The following KCNJ15 variants were observed in gnomAD, a reference collection of about 807,000 sequenced individuals.
KCNJ15 encodes potassium inwardly rectifying channel subfamily J member 15.
A neutral mutation model predicts 23.0 loss-of-function variants in KCNJ15; 14 were observed. The ratio of observed to expected loss-of-function variants is 0.61; its 90% CI spans 0.40 to 0.95. The LOEUF is 0.95. KCNJ15 is among the 40% of genes least tolerant of loss of function. The pLI is 0.00. For missense variants in KCNJ15, 388 were observed against 461.8 expected, an observed-to-expected ratio of 0.84 and a Z score of 1.46; for synonymous variants, 185 against 183.2, an observed-to-expected ratio of 1.01 and a Z score of -0.08.
chr21:38,257,840 T>G (rs759537588), intron 1 of KCNJ15, among the ~76,000 whole-genome samples: 17 of 152,244 alleles, frequency 1.1e-4, no homozygotes, highest in Non-Finnish European at 2.4e-4. Flanking sequence ...ATTTCCACAT[T>G]GCTCCTGTAA....
chr21:38,300,318 G>A lies in KCNJ15; in HGVS notation c.1057G>A (p.Glu353Lys). The change falls in exon 3 of 3, where the codon GAG (glutamate) becomes AAG (lysine). Residue 353 changes from glutamate (E) to lysine (K), a missense_variant. Glu to Lys is a moderately conservative substitution (Grantham distance 56). Transcript: ENST00000398938. ...CADSEKQQLE[E>K]KYRQEDQRER... ...AGATTCTGAGAAACAGCAACTCGAGGAGAAGTACAGGCAGGAGGATCAGAG... is the reference window on the plus strand; with the variant it reads ...AGATTCTGAGAAACAGCAACTCGAGAAGAAGTACAGGCAGGAGGATCAGAG... 1.2e-6 allele frequency: 2 copies of A among 1,614,152 alleles called. No individual in the cohort carries two copies. The highest frequency in any genetic ancestry group is 1.7e-6 in the Non-Finnish European group (2 of 1,179,982).
Position 38,301,068 on chromosome 21 carries a change from G to A in KCNJ15, c.*679G>A, listed in dbSNP as rs993863788. On this transcript the variant is annotated 3_prime_UTR_variant, in exon 3 of 3. Coordinates refer to ENST00000398938, the MANE Select transcript of KCNJ15 (RefSeq NM_170736.3). ...CCTCTATTTTATTTTATTTATTTTT[G>A]AATCCACTATCTCTTTCCATTCAAA... The A allele has an allele frequency of 4.2e-5, 7 of 166,354 alleles. No individual in the cohort carries two copies. The highest frequency in any genetic ancestry group is 7.3e-5 in the Non-Finnish European group (5 of 68,046). 10.3% of individuals were successfully genotyped at this position (166,354 alleles called of 1,614,324 possible).
In KCNJ15 at chr21:38,304,662, C is replaced by CTTTTTTTTTTTTTTTTTTTTTTTTTT. The variant is rs543096995; in HGVS notation, c.*4279_*4304dup. The CTTTTTTTTTTTTTTTTTTTTTTTTTT allele has an allele frequency of 1.1e-4, 6 of 56,054 alleles. 2 individuals carry two copies. The highest frequency in any genetic ancestry group is 1.8e-4 in the Non-Finnish European group (5 of 28,116). 3.5% of individuals were successfully genotyped at this position (56,054 alleles called of 1,614,324 possible). ...TTACCCTTTGTAAACTTCAATTTAT[C>CTTTTTTTTTTTTTTTTTTTTTTTTTT]TTTTTTTTTTTTTTTTTTTTTTTTT... is the stretch of plus-strand genomic sequence containing the variant. On this transcript the variant is annotated 3_prime_UTR_variant, in exon 3 of 3. Transcript: ENST00000398938.
intron 1 of KCNJ15, among the ~76,000 whole-genome samples, chr21:38,281,194 G>A (rs939352539): frequency 2.6e-5 from 4 of 152,122 alleles, no homozygotes; most frequent in Non-Finnish European, 5.9e-5. Flanking sequence ...ATAGCCTCTC[G>A]CAGCACACAC....
At chr21:38,278,080 A>G (rs1042204259) in intron 1 of KCNJ15, among the ~76,000 whole-genome samples, 1 of 152,184 alleles carries the variant, frequency 6.6e-6, no homozygotes, top group African/African-American at 2.4e-5. Flanking sequence ...TTGAGACACA[A>G]TGACGTTCCC....
At chr21:38,245,467 C>T (rs777914174) in intron 1 of KCNJ15, among the ~76,000 whole-genome samples, 4 of 151,984 alleles carry the variant, frequency 2.6e-5, no homozygotes, top group Non-Finnish European at 5.9e-5. Context: ...GGGCTACCAT[C>T]TGCCTTCCAA....
Position 38,304,714 on chromosome 21 carries a change from C to T in KCNJ15, c.*4325C>T, listed in dbSNP as rs1245417107. ...TTTTTGATACTGGGTCTCGCTCTGT[C>T]GCCCAGGCTGCTAGAGTGCAGTGGC... On this transcript the variant is annotated 3_prime_UTR_variant, in exon 3 of 3. Transcript: ENST00000398938. 9.6e-5 allele frequency: 11 copies of T among 114,576 alleles called. No individual in the cohort carries two copies. Among genetic ancestry groups the T allele is most frequent in the Non-Finnish European group, 1.7e-5 (1 of 57,696 alleles). The allele number at this position is 114,576 out of a possible 1,614,324, so 7.1% of individuals were successfully genotyped here.
chr21:38,241,782 C>T (rs1344349246), intron 1 of KCNJ15, among the ~76,000 whole-genome samples: 1 of 151,870 alleles, frequency 6.6e-6, no homozygotes, highest in Non-Finnish European at 1.5e-5. Flanking sequence ...GTCTGGGCAA[C>T]ATGGTGAAAC....
intron 2 of KCNJ15, among the ~76,000 whole-genome samples, chr21:38,297,742 A>G (rs940019111): frequency 1.3e-5 from 2 of 152,260 alleles, no homozygotes; most frequent in African/African-American, 4.8e-5. Context: ...ATTTGCTTCA[A>G]GGTAAACAAA....
upstream of KCNJ15, among the ~76,000 whole-genome samples, chr21:38,254,608 T>G (rs566297216): frequency 6.6e-6 from 1 of 152,208 alleles, no homozygotes; most frequent in South Asian, 2.1e-4. Flanking sequence ...TGCATATGTA[T>G]GCTCAAAATA....
At chr21:38,257,371 TTTAC>T (rs770161366) in intron 1 of KCNJ15, among the ~76,000 whole-genome samples, 186 bp downstream of exon 1, 31 of 152,294 alleles carry the variant, frequency 2.0e-4, no homozygotes, top group Non-Finnish European at 3.7e-4. Context: ...AAAACGGGAT[TTTAC>T]TTAATGATGG....
chr21:38,241,830 A>T (rs534648013), intron 1 of KCNJ15, among the ~76,000 whole-genome samples: 1 of 152,062 alleles, frequency 6.6e-6, no homozygotes, highest in East Asian at 1.9e-4. Flanking sequence ...TTAGCTGGAC[A>T]TTGTGATGGG....
At chr21:38,232,000 T>C (rs1244054194) in intron 1 of KCNJ15, among the ~76,000 whole-genome samples, 1 of 151,890 alleles carries the variant, frequency 6.6e-6, no homozygotes, top group Non-Finnish European at 1.5e-5. Context: ...TTCTATTTTT[T>C]CAAAGAGTTT....
At chr21:38,271,730 C>T (rs570426160) in intron 1 of KCNJ15, among the ~76,000 whole-genome samples, 33 of 152,306 alleles carry the variant, frequency 2.2e-4, no homozygotes, top group African/African-American at 7.5e-4. Flanking sequence ...GGCTGCCAGA[C>T]GTCGCCATCA....
chr21:38,240,363 A>G (rs1242613929), intron 1 of KCNJ15, among the ~76,000 whole-genome samples: 1 of 152,214 alleles, frequency 6.6e-6, no homozygotes, highest in Non-Finnish European at 1.5e-5. Context: ...CCTGATTGGA[A>G]ATGGTTAAAA....
intron 1 of KCNJ15, among the ~76,000 whole-genome samples, chr21:38,249,022 A>G (rs1979646177): frequency 6.6e-6 from 1 of 152,198 alleles, no homozygotes; most frequent in African/African-American, 2.4e-5. Context: ...TAGCAGCTCT[A>G]GAATTTGAAT....
At chr21:38,234,279 T>A (rs578123021) in intron 1 of KCNJ15, among the ~76,000 whole-genome samples, 1 of 152,234 alleles carries the variant, frequency 6.6e-6, no homozygotes, top group African/African-American at 2.4e-5. Context: ...TTTCTTTTTT[T>A]CTCATGAGCT....
rs772532160 is a variant in KCNJ15, at chr21:38,300,733, A to T, written c.*344A>T. The T allele has an allele frequency of 4.6e-6, 1 of 217,420 alleles. No homozygotes were observed. The highest frequency in any genetic ancestry group is 1.0e-5 in the Non-Finnish European group (1 of 100,452). The allele number at this position is 217,420 out of a possible 1,614,324, so 13.5% of individuals were successfully genotyped here. On this transcript the variant is annotated 3_prime_UTR_variant, in exon 3 of 3. Coordinates refer to ENST00000398938, the MANE Select transcript of KCNJ15 (RefSeq NM_170736.3). ...ATTAAAAGGAAATGTATTTCTATAC[A>T]AGATTATTAGCTGTAATACAAGATA...
rs1568984819 is a variant in KCNJ15, at chr21:38,247,093, GAT to G, written c.-398-9952_-398-9951del. Among the ~76,000 whole-genome samples, 15 of 69,228 alleles carry G rather than the reference GAT, an allele frequency of 2.2e-4. 1 individual carries two copies. The highest frequency in any genetic ancestry group is 7.4e-4 in the Admixed American group (5 of 6,788). The allele number at this position is 69,228 out of a possible 152,430, so 45.4% of individuals were successfully genotyped here. On this transcript the variant is annotated intron_variant, in intron 1 of 4. Coordinates refer to the KCNJ15 transcript ENST00000547341. ...GGATGGATGGATGGATGGATGGATG[GAT>G]GGATGCATGGATGGATGGATGGATG...
Sources: gnomAD v4.1 joint callset for allele counts (sites outside exome capture counted in the v4.1 genomes callset) on GRCh38, gnomAD v4.1.1 for gene constraint, MANE v1.5 for transcripts, NCBI Gene and HGNC (gene_info 2026-07-23, HGNC 2026-07-21) for gene names.